Variants in UBAC2 observed in about 807,000 individuals in gnomAD.
UBAC2 encodes the protein ubiquitin-associated domain-containing protein 2.
UBAC2 carries 26 observed loss-of-function variants against 44.0 expected under a neutral mutation model. The observed-to-expected ratio is 0.59, with a 90% confidence interval of 0.43 to 0.82. The LOEUF (loss-of-function observed/expected upper bound fraction) is 0.82. Among genes scored for constraint, UBAC2 ranks in the 40% least tolerant of loss-of-function variants. The probability of loss-of-function intolerance (pLI) is 0.00; values close to 1 mark genes in which losing one functional copy is unlikely to be tolerated. For synonymous variants in UBAC2, 155 were observed against 154.3 expected (o/e 1.00, Z -0.04); for missense variants, 329 against 419.4 (o/e 0.78, Z 1.88).
intron 4 of UBAC2, among the ~76,000 whole-genome samples, chr13:99,266,750 G>A (rs1319011488): frequency 6.6e-6 from 1 of 152,128 alleles, no homozygotes; most frequent in African/African-American, 2.4e-5. Context: ...GTTCAGTAGT[G>A]TTAAGTTCAT....
At chr13:99,340,229 G>A in intron 6 of UBAC2, 91 bp from the exon 7 acceptor site, 1 of 1,409,320 alleles carries the variant, frequency 7.1e-7, no homozygotes, top group Non-Finnish European at 9.8e-7. Context: ...AATACCGTGT[G>A]CAGTGTCTGG....
Position 99,239,316 on chromosome 13 carries a change from A to G in UBAC2, c.159+762A>G, listed in dbSNP as rs149027392. 9.8e-5 allele frequency among the ~76,000 whole-genome samples: 15 copies of G among 152,354 alleles called. No homozygotes were observed. The East Asian group carries it at 2.9e-3, about 29-fold the overall frequency. On this transcript the variant is annotated intron_variant, in intron 2 of 8. Transcript: ENST00000403766. ...TGTCAGAAGATAGTGTAGCTTCTGTATTATTTCAGTTGCTATAATGCAGTC... is the reference window on the plus strand; with the variant it reads ...TGTCAGAAGATAGTGTAGCTTCTGTGTTATTTCAGTTGCTATAATGCAGTC...
intron 2 of UBAC2, among the ~76,000 whole-genome samples, chr13:99,240,607 G>T (rs2043288170): frequency 1.3e-5 from 2 of 152,194 alleles, no homozygotes; most frequent in African/African-American, 2.4e-5. Flanking sequence ...CATTGGTAAA[G>T]TCCTTGGCAG....
At chr13:99,377,797 T>C (rs1230722699) in intron 8 of UBAC2, 11 of 152,258 alleles carry the variant, frequency 7.2e-5, no homozygotes, top group African/African-American at 2.7e-4. Context: ...GCGCTGGTCA[T>C]GTGCCCGTCA....
intron 7 of UBAC2, among the ~76,000 whole-genome samples, chr13:99,350,408 C>T (rs1201909546): frequency 6.6e-6 from 1 of 152,176 alleles, no homozygotes; most frequent in Admixed American, 6.5e-5. Context: ...GCCCCACCCC[C>T]AACCTCTGTG....
chr13:99,361,981 T>G (rs1013186636), intron 7 of UBAC2, among the ~76,000 whole-genome samples: 4 of 152,200 alleles, frequency 2.6e-5, no homozygotes, highest in African/African-American at 4.8e-5. Context: ...CTCTCCAGTC[T>G]GGACAATGTA....
At chr13:99,333,097 G>C (rs946933287) in intron 6 of UBAC2, among the ~76,000 whole-genome samples, 2 of 86,644 alleles carry the variant, frequency 2.3e-5, no homozygotes, top group South Asian at 2.8e-4. Context: ...CCCCGTCTCT[G>C]GGGGGGGAAG....
intron 4 of UBAC2, among the ~76,000 whole-genome samples, chr13:99,307,739 A>G (rs976170109): frequency 6.6e-5 from 10 of 152,204 alleles, no homozygotes; most frequent in Non-Finnish European, 1.2e-4. Context: ...TGATGATTTT[A>G]TATTGATTTT....
chr13:99,313,840 CACTT>C (rs1372667378), intron 4 of UBAC2, among the ~76,000 whole-genome samples: 1 of 152,210 alleles, frequency 6.6e-6, no homozygotes, highest in African/African-American at 2.4e-5. Context: ...ACTTTTCTCA[CACTT>C]AGTAGGTGCT....
intron 8 of UBAC2, among the ~76,000 whole-genome samples, chr13:99,376,169 CATT>C (rs1432468806): frequency 6.6e-6 from 1 of 152,154 alleles, no homozygotes; most frequent in African/African-American, 2.4e-5. Context: ...CTGAAAAGCA[CATT>C]ATTAGGGAAT....
chr13:99,228,706 A>G (rs1272162694), intron 1 of UBAC2, among the ~76,000 whole-genome samples: 1 of 152,206 alleles, frequency 6.6e-6, no homozygotes, highest in Non-Finnish European at 1.5e-5. Context: ...GAAAGGATTT[A>G]GGTTGGTTAG....
At chr13:99,335,533 T>G (rs2044775865) in intron 6 of UBAC2, among the ~76,000 whole-genome samples, 1 of 152,216 alleles carries the variant, frequency 6.6e-6, no homozygotes, top group African/African-American at 2.4e-5. Context: ...CAGACAGATG[T>G]GTGCACAAAC....
intron 1 of UBAC2, among the ~76,000 whole-genome samples, chr13:99,224,861 G>A (rs562442076): frequency 2.0e-5 from 3 of 152,262 alleles, no homozygotes; most frequent in South Asian, 4.1e-4. Flanking sequence ...TTTTTACGTA[G>A]TAAAAGTACA....
chr13:99,338,051 T>C (rs1366945897), intron 6 of UBAC2, among the ~76,000 whole-genome samples: 2 of 57,906 alleles, frequency 3.5e-5, no homozygotes, highest in East Asian at 1.0e-3. Flanking sequence ...TTTTTTCTTT[T>C]TTTTTTTTTT....
chr13:99,386,061 C>T lies in UBAC2; in HGVS notation c.*726C>T, dbSNP rs2045616344. On this transcript the variant is annotated 3_prime_UTR_variant, in exon 9 of 9. Transcript: ENST00000403766. ...CTGGAGCCACATGGGCTGACTAGGG[C>T]ACTCTGTGGCTGGCCTGGCATGGGC... The T allele has an allele frequency of 1.3e-5, 2 of 152,310 alleles. No individual in the cohort carries two copies. The highest frequency in any genetic ancestry group is 2.4e-5 in the African/African-American group (1 of 41,468). The allele number at this position is 152,310 out of a possible 1,614,324, so 9.4% of individuals were successfully genotyped here.
intron 3 of UBAC2, 40 bp from the exon 4 acceptor site, chr13:99,244,475 A>C: frequency 7.3e-7 from 1 of 1,370,278 alleles, no homozygotes; most frequent in Non-Finnish European, 1.0e-6. Context: ...TATTTTTAGG[A>C]GACTCATCTC....
At chr13:99,292,508 A>G (rs780298716) in intron 4 of UBAC2, among the ~76,000 whole-genome samples, 8 of 152,132 alleles carry the variant, frequency 5.3e-5, no homozygotes, top group Non-Finnish European at 7.4e-5. Flanking sequence ...GTTTCTTTAT[A>G]AAGTATGGGT....
chr13:99,285,687 C>CG (rs1566485290), intron 4 of UBAC2, among the ~76,000 whole-genome samples: 1 of 152,106 alleles, frequency 6.6e-6, no homozygotes, highest in African/African-American at 2.4e-5. Flanking sequence ...CCACCATGCC[C>CG]GGCCAGCTGG....
rs573676333 is a variant in UBAC2, at chr13:99,385,795, G to A, written c.*460G>A. 1 of 164,446 alleles carries A rather than the reference G, an allele frequency of 6.1e-6. No homozygotes were observed. The highest frequency in any genetic ancestry group is 2.4e-5 in the African/African-American group (1 of 41,826). The allele number at this position is 164,446 out of a possible 1,614,324, so 10.2% of individuals were successfully genotyped here. A position where few individuals can be genotyped will look rare whatever the true frequency, so the allele number is the denominator to read the frequency against. On this transcript the variant is annotated 3_prime_UTR_variant, in exon 9 of 9. Transcript: ENST00000403766. ...AGTTACTGTTTTTTCTCTCAAACTTGTTTTCGAATCTCCTGGGAGTGAGGG... is the reference window on the plus strand; with the variant it reads ...AGTTACTGTTTTTTCTCTCAAACTTATTTTCGAATCTCCTGGGAGTGAGGG...
Sources: gnomAD v4.1 joint callset for allele counts (sites outside exome capture counted in the v4.1 genomes callset) on GRCh38, gnomAD v4.1.1 for gene constraint, MANE v1.5 for transcripts, NCBI Gene and HGNC (gene_info 2026-07-23, HGNC 2026-07-21) for gene names.